MYO1H: variants seen among roughly 807,000 people sequenced by gnomAD.
The protein encoded by MYO1H is myosin IH.
A neutral mutation model predicts 149.3 loss-of-function variants in MYO1H; 118 were observed. The observed-to-expected ratio is 0.79, with a 90% CI of 0.68 to 0.92. MYO1H has a LOEUF of 0.92. MYO1H is among the 40% of genes least tolerant of loss of function. The pLI is 0.00. For synonymous variants in MYO1H, 447 were observed against 465.2 expected, an observed-to-expected ratio of 0.96 and a Z score of 0.50; for missense variants, 1,212 against 1,280.7, an observed-to-expected ratio of 0.95 and a Z score of 0.82.
At chr12:109,329,174 T>G in the MYO1H span, among the ~76,000 whole-genome samples, 1 of 152,100 alleles carries the variant, frequency 6.6e-6, no homozygotes, top group Non-Finnish European at 1.5e-5. Context: ...TCTGTGTAGT[T>G]TATATGGGCA....
intron 4 of MYO1H, among the ~76,000 whole-genome samples, chr12:109,397,387 C>T (rs1421364088): frequency 1.3e-5 from 2 of 152,016 alleles, no homozygotes; most frequent in Admixed American, 6.6e-5. Context: ...AGCAGAGCAA[C>T]GGTGGTATAA....
In MYO1H at chr12:109,438,625, G is replaced by A; in HGVS notation, c.2294+5G>A. The A allele has an allele frequency of 6.2e-7, 1 of 1,607,716 alleles. No individual in the cohort carries two copies. Among genetic ancestry groups the A allele is most frequent in the Non-Finnish European group, 8.5e-7 (1 of 1,176,798 alleles). ...GGCCGTGCGGATTATCAGAAAGTAA[G>A]TTCTCAGGTACAACAGAGAGGACAG... is the stretch of plus-strand genomic sequence containing the variant. On this transcript the variant is annotated splice_donor_5th_base_variant and intron_variant, in intron 23 of 31. Transcript: ENST00000310903.
chr12:109,329,947 G>A, the MYO1H span, among the ~76,000 whole-genome samples: 150 of 152,300 alleles, frequency 9.8e-4, no homozygotes, highest in Non-Finnish European at 1.9e-3. Context: ...AGGAATTTAT[G>A]GGGGAGGAGG....
rs562126247 is a variant in MYO1H at position 109,415,522 on chromosome 12, G to T, written c.1503-4G>T. On this transcript the variant is annotated splice_region_variant and splice_polypyrimidine_tract_variant and intron_variant, in intron 14 of 31. Transcript: ENST00000310903. ...TTCAACTCGTGTCTATTTCTGTCTC[G>T]TAGCCGTAAGCTGGCTGGTCCAAAG... is the stretch of plus-strand genomic sequence containing the variant. 1 of 1,599,886 alleles carries T rather than the reference G, an allele frequency of 6.3e-7. No individual in the cohort carries two copies. The highest frequency in any genetic ancestry group is 8.5e-7 in the Non-Finnish European group (1 of 1,173,400).
intron 1 of MYO1H, among the ~76,000 whole-genome samples, chr12:109,360,771 A>C (rs1300298331): frequency 1.3e-5 from 2 of 152,230 alleles, no homozygotes; most frequent in Non-Finnish European, 2.9e-5. Context: ...GGTTAACAGA[A>C]ATAGGTCTTG....
upstream of MYO1H, among the ~76,000 whole-genome samples, chr12:109,343,868 T>C (rs1464136300): frequency 6.6e-6 from 1 of 152,176 alleles, no homozygotes; most frequent in Non-Finnish European, 1.5e-5. Flanking sequence ...CATTGCACAA[T>C]GTACAAGGCA....
chr12:109,442,155 A>T, intron 26 of MYO1H, 62 bp from the exon 27 acceptor site: 1 of 1,435,924 alleles, frequency 7.0e-7, no homozygotes, highest in Non-Finnish European at 9.8e-7. Context: ...GCAGATACCA[A>T]TGACTTTTCC....
chr12:109,338,765 C>CAAAAA, the MYO1H span, among the ~76,000 whole-genome samples: 4 of 87,320 alleles, frequency 4.6e-5, no homozygotes, highest in African/African-American at 9.5e-5. Flanking sequence ...GACTCCATCT[C>CAAAAA]AAAAAAAAAA....
At chr12:109,342,352 C>T in the MYO1H span, among the ~76,000 whole-genome samples, 1 of 151,944 alleles carries the variant, frequency 6.6e-6, no homozygotes, top group Admixed American at 6.6e-5. Flanking sequence ...ACCATGTTGT[C>T]CAGGCTGGTC....
chr12:109,442,726 G>A (rs553074928), intron 27 of MYO1H, among the ~76,000 whole-genome samples: 15 of 151,682 alleles, frequency 9.9e-5, no homozygotes, highest in African/African-American at 2.7e-4. Flanking sequence ...TGGGCGAGAG[G>A]TGCTCAGGCT....
At chr12:109,313,799 T>A in the MYO1H span, among the ~76,000 whole-genome samples, 1 of 152,332 alleles carries the variant, frequency 6.6e-6, no homozygotes, top group East Asian at 1.9e-4. Context: ...TTTTCCATCC[T>A]TTTATAATAA....
intron 15 of MYO1H, among the ~76,000 whole-genome samples, chr12:109,419,263 T>C (rs911929262): frequency 1.3e-5 from 2 of 152,056 alleles, no homozygotes; most frequent in African/African-American, 4.8e-5. Flanking sequence ...TTTTTCCATG[T>C]GTTGGTGGGG....
intron 16 of MYO1H, among the ~76,000 whole-genome samples, chr12:109,424,369 G>T (rs541994127): frequency 3.3e-5 from 5 of 152,248 alleles, no homozygotes; most frequent in African/African-American, 1.2e-4. Flanking sequence ...GCCCAGGCTG[G>T]TCTCAAACTC....
At chr12:109,345,264 A>G (rs1459437326), upstream of MYO1H, among the ~76,000 whole-genome samples, 1 of 152,318 alleles carries the variant, frequency 6.6e-6, no homozygotes, top group Non-Finnish European at 1.5e-5. Flanking sequence ...CAACAACAAA[A>G]AGACAAAGAA....
At chr12:109,414,476 C>CAAAAAAAAAAAAAAAAA (rs1158287635) in intron 14 of MYO1H, among the ~76,000 whole-genome samples, 1 of 57,426 alleles carries the variant, frequency 1.7e-5, no homozygotes, top group Non-Finnish European at 3.6e-5. Context: ...GACTCCATCT[C>CAAAAAAAAAAAAAAAAA]AAAAAAAAAA....
chr12:109,403,071 G>C (rs9943699), intron 6 of MYO1H, among the ~76,000 whole-genome samples: 72,184 of 151,952 alleles, frequency 0.48, 18,203 homozygotes, highest in African/African-American at 0.64. Context: ...CAGTATATTC[G>C]CACTGCTTTC....
intron 19 of MYO1H, among the ~76,000 whole-genome samples, chr12:109,429,553 A>G (rs1297022592): frequency 6.6e-6 from 1 of 152,210 alleles, no homozygotes; most frequent in East Asian, 1.9e-4. Context: ...GTGTACAGGA[A>G]GATGTACTCA....
intron 1 of MYO1H, among the ~76,000 whole-genome samples, chr12:109,356,957 G>A (rs907339293): frequency 1.3e-5 from 2 of 152,192 alleles, no homozygotes; most frequent in African/African-American, 2.4e-5. Flanking sequence ...AAGACCCCTT[G>A]AATCAAAGCA....
In MYO1H at chr12:109,443,125, C is replaced by CATATATGTGT. The variant is rs1566044949; in HGVS notation, c.2689-389_2689-388insATATATGTGT. 1.3e-4 allele frequency among the ~76,000 whole-genome samples: 5 copies of CATATATGTGT among 37,604 alleles called. 1 individual carries two copies. The highest frequency in any genetic ancestry group is 5.9e-4 in the East Asian group (1 of 1,698). 24.7% of individuals were successfully genotyped at this position (37,604 alleles called of 152,430 possible). On this transcript the variant is annotated intron_variant, in intron 27 of 31. Transcript: ENST00000310903. ...GTACGTATATGTGTGTATATGTGTACGTATATATGTGTGTATATGTGTACG... is the reference window on the plus strand; with the variant it reads ...GTACGTATATGTGTGTATATGTGTACATATATGTGTGTATATATGTGTGTATATGTGTACG...
Sources: allele counts gnomAD v4.1 joint callset (sites outside exome capture counted in the v4.1 genomes callset), GRCh38; gene constraint gnomAD v4.1.1; transcripts MANE v1.5; gene names NCBI Gene and HGNC (gene_info 2026-07-23, HGNC 2026-07-21).